ARID1B: variants seen among roughly 807,000 people sequenced by gnomAD.
ARID1B encodes AT-rich interactive domain-containing protein 1B.
Under a neutral mutation model 212.3 loss-of-function variants are expected in ARID1B, and 30 were observed. That is an observed-to-expected ratio of 0.14 (90% CI 0.11 to 0.19). The LOEUF is 0.19. Ranked by LOEUF, ARID1B falls within the 10% of genes least tolerant of loss-of-function variation. The pLI, the probability that ARID1B is intolerant of heterozygous loss-of-function variation, is 1.00. For synonymous variants in ARID1B, 1,402 were observed against 1,301.7 expected, an observed-to-expected ratio of 1.08 and a Z score of -1.66; for missense variants, 2,891 against 3,204.0, an observed-to-expected ratio of 0.90 and a Z score of 2.36.
chr6:157,181,299 A>G, intron 12 of ARID1B, 121 bp downstream of exon 12: 1 of 1,294,330 alleles, frequency 7.7e-7, no homozygotes, highest in Non-Finnish European at 1.1e-6. Context: ...GCCTGTGTGA[A>G]AGTCGCCTTC....
At chr6:157,196,622 G>T (rs1793744869) in intron 16 of ARID1B, among the ~76,000 whole-genome samples, 1 of 152,154 alleles carries the variant, frequency 6.6e-6, no homozygotes, top group African/African-American at 2.4e-5. Flanking sequence ...CCTTCTGAGG[G>T]ACTGCCAGCT....
intron 2 of ARID1B, among the ~76,000 whole-genome samples, chr6:156,855,479 G>A (rs1784851732): frequency 2.0e-5 from 3 of 152,058 alleles, no homozygotes; most frequent in Non-Finnish European, 4.4e-5. Flanking sequence ...TTCACGTGGC[G>A]GCAGACTACA....
At chr6:157,097,482 C>T (rs757956332) in intron 5 of ARID1B, among the ~76,000 whole-genome samples, 31 of 151,450 alleles carry the variant, frequency 2.0e-4, no homozygotes, top group Non-Finnish European at 3.3e-4. Context: ...GCACAGCAAG[C>T]GCTCACGTGC....
In ARID1B at chr6:156,829,232, C is replaced by T. The variant is rs2128045760; in HGVS notation, c.1797C>T (p.Ser599=). ...PGPTMGRSQG[S]PMDPMVMKRP... is the part of the protein sequence containing the mutation. Reference sequence around the variant, plus strand: ...CTTCTTTTATGTCTTCACAGGGCAGCCCAATGGATCCAATGGTGATGAAGA... The same window carrying T: ...CTTCTTTTATGTCTTCACAGGGCAGTCCAATGGATCCAATGGTGATGAAGA... Residue 599 remains serine, a synonymous_variant, in exon 2 of 20, where the codon AGC becomes AGT. Coordinates refer to ENST00000636930, the MANE Select transcript of ARID1B (RefSeq NM_001374828.1). The T allele has an allele frequency of 6.2e-7, 1 of 1,611,858 alleles. No homozygotes were observed. Among genetic ancestry groups the T allele is most frequent in the Non-Finnish European group, 8.5e-7 (1 of 1,178,596 alleles).
intron 2 of ARID1B, among the ~76,000 whole-genome samples, chr6:156,845,229 T>C (rs536451411): frequency 1.3e-5 from 2 of 152,332 alleles, no homozygotes; most frequent in South Asian, 4.1e-4. Flanking sequence ...GGTGATCTCC[T>C]GGTCAGAGCT....
At position 157,203,102 on chromosome 6, in the gene ARID1B, C is replaced by G. The variant is rs532985600; in HGVS notation, c.5264-764C>G. On this transcript the variant is annotated intron_variant, in intron 18 of 19. Transcript: ENST00000636930. This position sits in a 1 kb window ranked among gnomAD's most constrained non-coding sequence, Gnocchi z 4.4. ...AGTGGAAAAGCCACGGTGTCTCCCC[C>G]TCATGCAATGATTCTTGGTGCCTGG... 1.2e-4 allele frequency among the ~76,000 whole-genome samples: 19 copies of G among 152,266 alleles called. No homozygotes were observed. The highest frequency in any genetic ancestry group is 4.1e-4 in the South Asian group (2 of 4,826).
intron 4 of ARID1B, among the ~76,000 whole-genome samples, chr6:157,064,053 G>A (rs1783522810): frequency 6.6e-6 from 1 of 152,212 alleles, no homozygotes; most frequent in African/African-American, 2.4e-5. Flanking sequence ...CATCCGACTA[G>A]GCTAGCCGGA....
At chr6:156,846,500 T>C (rs1056315765) in intron 2 of ARID1B, among the ~76,000 whole-genome samples, 2 of 152,060 alleles carry the variant, frequency 1.3e-5, no homozygotes, top group Admixed American at 1.3e-4. Context: ...TCCTTCGCTT[T>C]CTGCACATCT....
intron 4 of ARID1B, among the ~76,000 whole-genome samples, chr6:157,006,944 CAT>C (rs1779279335): frequency 6.6e-6 from 1 of 152,218 alleles, no homozygotes; most frequent in Non-Finnish European, 1.5e-5. Context: ...ATTCTAGGCA[CAT>C]GTGTGTACAC....
intron 4 of ARID1B, among the ~76,000 whole-genome samples, chr6:157,050,427 G>A (rs182404628): frequency 1.2e-3 from 181 of 152,096 alleles, no homozygotes; most frequent in African/African-American, 3.9e-3. Context: ...GACTGTAATC[G>A]CAGCTACTCA....
At chr6:157,081,428 C>A (rs898096606) in intron 4 of ARID1B, among the ~76,000 whole-genome samples, 1 of 152,148 alleles carries the variant, frequency 6.6e-6, no homozygotes, top group East Asian at 1.9e-4. Context: ...CATACAGATA[C>A]CCTAACAATC....
chr6:156,860,751 T>C (rs896391043), intron 2 of ARID1B, among the ~76,000 whole-genome samples: 11 of 152,334 alleles, frequency 7.2e-5, no homozygotes, highest in Non-Finnish European at 1.2e-4. Flanking sequence ...ATGTTAATAA[T>C]AGATTTTTGA....
At chr6:157,104,939 C>G (rs185524869) in intron 5 of ARID1B, among the ~76,000 whole-genome samples, 14 of 152,266 alleles carry the variant, frequency 9.2e-5, no homozygotes, top group Admixed American at 9.2e-4. Context: ...GTGAGGAGCA[C>G]TATTCTTACT....
At chr6:157,189,602 C>T (rs2128338585) in intron 13 of ARID1B, 40 bp from the exon 14 acceptor site, 2 of 1,572,600 alleles carry the variant, frequency 1.3e-6, no homozygotes, top group Admixed American at 2.1e-5. Context: ...TTGATAATCT[C>T]TGGATTTCTT....
intron 1 of ARID1B, among the ~76,000 whole-genome samples, chr6:156,818,684 C>CTT (rs1283202024): frequency 6.6e-6 from 1 of 152,120 alleles, no homozygotes; most frequent in Non-Finnish European, 1.5e-5. Context: ...TGATGACATA[C>CTT]TTTTAGGCTC....
At chr6:156,797,596 A>G (rs931119495) in intron 1 of ARID1B, among the ~76,000 whole-genome samples, 2 of 152,180 alleles carry the variant, frequency 1.3e-5, no homozygotes, top group Admixed American at 6.5e-5. Context: ...ATGGGAAGGA[A>G]TCATACAGTG....
intron 1 of ARID1B, among the ~76,000 whole-genome samples, chr6:156,798,346 G>A (rs949531789): frequency 3.3e-5 from 5 of 152,250 alleles, no homozygotes; most frequent in African/African-American, 1.2e-4. Context: ...CTGGCATGCG[G>A]TGGGGCTCAG....
At chr6:157,095,324 G>T (rs1031318983) in intron 5 of ARID1B, among the ~76,000 whole-genome samples, 1 of 152,200 alleles carries the variant, frequency 6.6e-6, no homozygotes, top group African/African-American at 2.4e-5. Flanking sequence ...GAGCTAATCG[G>T]TCTGACACGG....
chr6:157,010,814 T>G (rs1779562192), intron 4 of ARID1B, among the ~76,000 whole-genome samples: 1 of 150,868 alleles, frequency 6.6e-6, no homozygotes, highest in African/African-American at 2.5e-5. Context: ...AGGTGTGACC[T>G]CTTTTGTTTT....
Sources: allele counts gnomAD v4.1 joint callset (sites outside exome capture counted in the v4.1 genomes callset), GRCh38; gene constraint gnomAD v4.1.1; non-coding constraint Gnocchi (gnomAD v3.1); transcripts MANE v1.5; gene names NCBI Gene and HGNC (gene_info 2026-07-23, HGNC 2026-07-21).